The following WDR90 variants were observed in gnomAD, a reference collection of about 807,000 sequenced individuals.
The protein encoded by WDR90 is WD repeat-containing protein 90.
In WDR90, 238 loss-of-function variants were observed where a neutral mutation model predicts 195.2. The observed-to-expected ratio is 1.22, with a 90% CI of 1.10 to 1.36. WDR90 has a LOEUF of 1.36. Ranked by LOEUF, WDR90 falls within the 40% of genes most tolerant of loss-of-function variation. The pLI, the probability that WDR90 is intolerant of heterozygous loss-of-function variation, is 0.00. For synonymous variants in WDR90, 1,265 were observed against 1,052.4 expected, an observed-to-expected ratio of 1.20 and a Z score of -3.91; for missense variants, 2,734 against 2,439.5, an observed-to-expected ratio of 1.12 and a Z score of -2.54.
At position 652,624 on chromosome 16, in the gene WDR90, C is replaced by A. The variant is rs181903043; in HGVS notation, c.1122+89C>A. ...ACGGGGAGAGAGGAGAGACCTATGT[C>A]CTGTGGTGGCTGTGTGTGGGCTCCC... On this transcript the variant is annotated intron_variant, in intron 10 of 40. Coordinates refer to ENST00000293879, the MANE Select transcript of WDR90 (RefSeq NM_145294.5). 201 of 1,347,166 alleles carry A rather than the reference C, an allele frequency of 1.5e-4. 2 individuals are homozygous for A. The Admixed American group carries it at 5.2e-3, about 35-fold the overall frequency. The allele number at this position is 1,347,166 out of a possible 1,614,324, so 83.5% of individuals were successfully genotyped here.
In WDR90 at chr16:657,210, T is replaced by C. The variant is rs2037777277; in HGVS notation, c.2462T>C (p.Leu821Pro). 1 of 1,549,024 alleles carries C rather than the reference T, an allele frequency of 6.5e-7. No homozygotes were observed. The highest frequency in any genetic ancestry group is 1.7e-4 in the Middle Eastern group (1 of 5,772). ...TGTGCGGACCCCCAGTGGCATGTCC[T>C]CCGAGTGGCAGGTTGGGCCCCCTGC... ...YSCADPQWHV[L>P]RVAADMVCPD... Residue 821 changes from leucine (L) to proline (P), a missense_variant, in exon 20 of 41, where the codon CTC becomes CCC. By Grantham distance (98) the Leu-to-Pro change is moderately conservative. Coordinates refer to ENST00000293879, the MANE Select transcript of WDR90 (RefSeq NM_145294.5).
At chr16:660,878 G>C in intron 28 of WDR90, 164 bp downstream of exon 28, 2 of 893,138 alleles carry the variant, frequency 2.2e-6, no homozygotes, top group East Asian at 7.5e-5. Flanking sequence ...GAGGTCCTGT[G>C]AAGCACTTTG....
In WDR90 at chr16:649,805, T is replaced by G; in HGVS notation, c.53T>G (p.Val18Gly). The change falls in exon 2 of 41, where the codon GTG becomes GGG. Residue 18 changes from valine to glycine, a missense_variant. Val to Gly is a moderately radical substitution (Grantham distance 109). Transcript: ENST00000293879. ...PFLNVFRHFR[V>G]DEWKRSAKQG... ...CTCAACGTCTTCAGACACTTCCGGG[T>G]GGACGAGTGGAAGCGCTCCGCCAAG... The G allele has an allele frequency of 1.3e-6, 2 of 1,579,548 alleles. No individual in the cohort carries two copies. The highest frequency in any genetic ancestry group is 1.7e-6 in the Non-Finnish European group (2 of 1,163,382).
Position 661,016 on chromosome 16 carries a change from G to A in WDR90, c.3392-35G>A, listed in dbSNP as rs76032962. 75 of 267,798 alleles carry A rather than the reference G, an allele frequency of 2.8e-4. 4 individuals are homozygous for A. Among genetic ancestry groups the A allele is most frequent in the Admixed American group, 1.7e-3 (4 of 2,374 alleles). 16.6% of individuals were successfully genotyped at this position (267,798 alleles called of 1,614,324 possible). ...CCCCTCCCCGCCCCCCCCCCCCCCC[G>A]GCCCGGCCTCAGGCCCCGCCCTCTC... On this transcript the variant is annotated intron_variant, in intron 28 of 40. Coordinates refer to ENST00000293879, the MANE Select transcript of WDR90 (RefSeq NM_145294.5).
In WDR90 at chr16:653,326, G is replaced by A. The variant is rs368182340; in HGVS notation, c.1123-15G>A. ...GCGTAGCACCGGTCCTCAGCCCCCC[G>A]CCCCCTTGTGCCAGGCCCTGTGGAC... is the stretch of plus-strand genomic sequence containing the variant. On this transcript the variant is annotated splice_polypyrimidine_tract_variant and intron_variant, in intron 10 of 40. Transcript: ENST00000293879. 1.1e-5 allele frequency: 16 copies of A among 1,507,784 alleles called. No homozygotes were observed. The South Asian group carries it at 1.1e-4, about 11-fold the overall frequency. 93.4% of individuals were successfully genotyped at this position (1,507,784 alleles called of 1,614,324 possible). A position where few individuals can be genotyped will look rare whatever the true frequency, so the allele number is the denominator to read the frequency against.
chr16:656,602 C>A, intron 18 of WDR90, 65 bp downstream of exon 18: 1 of 1,573,560 alleles, frequency 6.4e-7, no homozygotes. Flanking sequence ...GGTTTGTCAG[C>A]GGGGGTGAGA....
intron 28 of WDR90, 98 bp downstream of exon 28, chr16:660,812 G>T: frequency 7.6e-7 from 1 of 1,319,840 alleles, no homozygotes. Flanking sequence ...GCAAATGAGC[G>T]CCAGCCATCA....
chr16:663,304 G>A (rs1476688949), intron 34 of WDR90: 2 of 335,856 alleles, frequency 6.0e-6, no homozygotes, highest in Non-Finnish European at 1.2e-5. Flanking sequence ...CGGGCCTCTT[G>A]ATGTATACCT....
chr16:662,613 C>T, intron 33 of WDR90, 66 bp from the exon 34 acceptor site: 1 of 1,509,844 alleles, frequency 6.6e-7, no homozygotes, highest in Non-Finnish European at 8.8e-7. Flanking sequence ...GGCTGGGGAC[C>T]CAGCTGGCTC....
At chr16:663,313 C>T (rs2037957283) in intron 34 of WDR90, 4 of 328,034 alleles carry the variant, frequency 1.2e-5, no homozygotes, top group African/African-American at 2.2e-5. Flanking sequence ...TGATGTATAC[C>T]TGTAATCCCA....
In WDR90 at chr16:667,698, C is replaced by G. The variant is rs769342577; in HGVS notation, c.*109C>G. The G allele has an allele frequency of 3.3e-6, 5 of 1,518,602 alleles. No individual in the cohort carries two copies. The Admixed American group carries it at 7.5e-5, about 23-fold the overall frequency. 94.1% of individuals were successfully genotyped at this position (1,518,602 alleles called of 1,614,324 possible). ...TCAATGGCCTCATGCTGGGACAGGC[C>G]AGGATTCACGTAAATCGCCTGGAGC... On this transcript the variant is annotated 3_prime_UTR_variant, in exon 41 of 41. Transcript: ENST00000293879.
intron 34 of WDR90, chr16:665,155 C>T (rs1353145886): frequency 4.4e-6 from 1 of 225,040 alleles, no homozygotes; most frequent in South Asian, 9.2e-5. Flanking sequence ...GCATTTCCCC[C>T]CAATCAGCGT....
Position 650,575 on chromosome 16 carries a change from C to T in WDR90, c.425C>T (p.Thr142Ile), listed in dbSNP as rs927190948. 1.9e-6 allele frequency: 3 copies of T among 1,612,164 alleles called. No homozygotes were observed. The highest frequency in any genetic ancestry group is 1.3e-5 in the African/African-American group (1 of 74,910). ...VGLAPSGARW[T>I]CLQLDLQDVL... The stretch of plus-strand genomic sequence containing the variant: ...TTGGCCCCCTCCGGAGCCCGCTGGA[C>T]CTGCCTGCAGCTCGATCTGCAGGAC... The change falls in exon 5 of 41, where the codon ACC (threonine) becomes ATC (isoleucine). Residue 142 changes from threonine to isoleucine, a missense_variant. By Grantham distance (89) the Thr-to-Ile change is moderately conservative. Coordinates refer to ENST00000293879, the MANE Select transcript of WDR90 (RefSeq NM_145294.5).
Position 652,063 on chromosome 16 carries a change from C to G in WDR90, c.1053+24C>G, listed in dbSNP as rs774879897. 5.1e-6 allele frequency: 8 copies of G among 1,564,906 alleles called. No homozygotes were observed. The South Asian group carries it at 7.0e-5, about 14-fold the overall frequency. Reference sequence around the variant, plus strand: ...AAGTGAGTGCCCATCCCACAGCAGGCGGGGCCTGGTGAGGTGTGGGCTGGG... The same window carrying G: ...AAGTGAGTGCCCATCCCACAGCAGGGGGGGCCTGGTGAGGTGTGGGCTGGG... On this transcript the variant is annotated intron_variant, in intron 9 of 40. Transcript: ENST00000293879.
chr16:656,768 G>T lies in WDR90; in HGVS notation c.2239G>T (p.Ala747Ser). ...DFTSSEDAPC[A>S]VTFHPTRPTF... Reference sequence around the variant, plus strand: ...CACATCATCAGAGGACGCCCCGTGCGCTGTCACCTTCCACCCCACAAGGCC... The same window carrying T: ...CACATCATCAGAGGACGCCCCGTGCTCTGTCACCTTCCACCCCACAAGGCC... The change falls in exon 19 of 41, where the codon GCT (alanine) becomes TCT (serine). Residue 747 changes from alanine (A) to serine (S), a missense_variant. Ala to Ser is a moderately conservative substitution (Grantham distance 99). Transcript: ENST00000293879. 1 of 1,613,256 alleles carries T rather than the reference G, an allele frequency of 6.2e-7. No homozygotes were observed. Among genetic ancestry groups the T allele is most frequent in the South Asian group, 1.1e-5 (1 of 91,090 alleles).
Position 655,479 on chromosome 16 carries a change from G to C in WDR90, c.1718+11G>C. 6.5e-7 allele frequency: 1 copy of C among 1,528,638 alleles called. No homozygotes were observed. 94.7% of individuals were successfully genotyped at this position (1,528,638 alleles called of 1,614,324 possible). A position where few individuals can be genotyped will look rare whatever the true frequency, so the allele number is the denominator to read the frequency against. On this transcript the variant is annotated intron_variant, in intron 15 of 40. Transcript: ENST00000293879. ...CTCGGCTGCCATGCTGTGAGTCCCT[G>C]CCCTTCCCCACGGCCTGCCCCGGCA...
chr16:659,535 C>T (rs140098599), intron 26 of WDR90, among the ~76,000 whole-genome samples, 159 bp downstream of exon 26: 89 of 152,266 alleles, frequency 5.8e-4, no homozygotes, highest in African/African-American at 1.8e-3. Context: ...GGCAGCTTTT[C>T]CTCTCCTCCT....
At position 650,610 on chromosome 16, in the gene WDR90, G is replaced by C. The variant is rs1191767614; in HGVS notation, c.460G>C (p.Val154Leu). 1.2e-6 allele frequency: 2 copies of C among 1,612,662 alleles called. No individual in the cohort carries two copies. The highest frequency in any genetic ancestry group is 2.7e-5 in the African/African-American group (2 of 74,906). ...LQLDLQDVLL[V>L]YLNRCYGHLK... Reference sequence around the variant, plus strand: ...GCTCGATCTGCAGGACGTTCTCCTGGTCTACCTGAACCGGTGCTACGGCCA... The same window carrying C: ...GCTCGATCTGCAGGACGTTCTCCTGCTCTACCTGAACCGGTGCTACGGCCA... Residue 154 changes from valine to leucine, a missense_variant, in exon 5 of 41, where the codon GTC becomes CTC. Physicochemically the swap from Val to Leu is conservative, Grantham distance 32. Coordinates refer to ENST00000293879, the MANE Select transcript of WDR90 (RefSeq NM_145294.5).
chr16:664,151 C>G (rs994713676), intron 34 of WDR90, among the ~76,000 whole-genome samples: 2 of 134,902 alleles, frequency 1.5e-5, no homozygotes, highest in African/African-American at 6.3e-5. Flanking sequence ...CAGGGGGTGG[C>G]TTTTGGCATA....
Sources: gnomAD v4.1 joint callset for allele counts (sites outside exome capture counted in the v4.1 genomes callset) on GRCh38, gnomAD v4.1.1 for gene constraint, MANE v1.5 for transcripts, NCBI Gene and HGNC (gene_info 2026-07-23, HGNC 2026-07-21) for gene names.